Variants in LSAMP observed in about 807,000 individuals in gnomAD.
The protein encoded by LSAMP is limbic system associated membrane protein.
A neutral mutation model predicts 38.6 loss-of-function variants in LSAMP; 7 were observed. The ratio of observed to expected loss-of-function variants is 0.18; its 90% CI spans 0.10 to 0.34. LSAMP has a LOEUF of 0.34. Among genes scored for constraint, LSAMP ranks in the 10% least tolerant of loss-of-function variants. The pLI is 1.00. For missense variants in LSAMP, 313 were observed against 420.0 expected, an observed-to-expected ratio of 0.75 and a Z score of 2.23; for synonymous variants, 154 against 166.8, an observed-to-expected ratio of 0.92 and a Z score of 0.59.
intron 1 of LSAMP, among the ~76,000 whole-genome samples, chr3:116,305,634 C>A (rs977105232): frequency 6.6e-6 from 1 of 151,672 alleles, no homozygotes; most frequent in African/African-American, 2.4e-5. Flanking sequence ...GTGCAAATAT[C>A]AAAACACAAA....
intron 3 of LSAMP, among the ~76,000 whole-genome samples, chr3:115,950,265 A>G (rs777830347): frequency 2.0e-5 from 3 of 152,184 alleles, no homozygotes; most frequent in Non-Finnish European, 4.4e-5. Flanking sequence ...AATAAAGGGC[A>G]CCCAAATTGG....
intron 3 of LSAMP, among the ~76,000 whole-genome samples, chr3:116,003,190 T>C (rs536740119): frequency 1.3e-5 from 2 of 152,296 alleles, no homozygotes; most frequent in South Asian, 4.1e-4. Context: ...GAAGTCACTT[T>C]ACTGAGGTCC....
intron 1 of LSAMP, among the ~76,000 whole-genome samples, chr3:116,349,192 A>G (rs1264743287): frequency 1.3e-5 from 2 of 152,140 alleles, no homozygotes; most frequent in Non-Finnish European, 2.9e-5. Flanking sequence ...ATTATGCTTT[A>G]GAAATAAAAG....
At chr3:115,816,759 A>G in intron 6 of LSAMP, 1 of 483,652 alleles carries the variant, frequency 2.1e-6, no homozygotes. Flanking sequence ...AGAGAAAAGG[A>G]GGAAAGAACA....
intron 3 of LSAMP, among the ~76,000 whole-genome samples, chr3:116,006,339 G>A (rs989554230): frequency 2.6e-5 from 4 of 152,142 alleles, no homozygotes; most frequent in Middle Eastern, 3.4e-3. Context: ...GCCCTCATCG[G>A]AACCTGAGCA....
rs71616339 is a variant in LSAMP at position 116,047,374 on chromosome 3, T to TAA, written c.389-27736_389-27735dup. On this transcript the variant is annotated intron_variant, in intron 2 of 6. Coordinates refer to ENST00000490035, the MANE Select transcript of LSAMP (RefSeq NM_002338.5). ...TCTTTCTTAAAATACGAATCTAGTCTAAAAAAAAAAAAAAAACAAAACAAA... is the reference window on the plus strand; with the variant it reads ...TCTTTCTTAAAATACGAATCTAGTCTAAAAAAAAAAAAAAAAAACAAAACAAA... Among the ~76,000 whole-genome samples the TAA allele has an allele frequency of 1.4e-4, 19 of 132,398 alleles. 1 individual carries two copies. In the South Asian group the frequency reaches 3.1e-3, roughly 22 times the overall value. 86.9% of individuals were successfully genotyped at this position (132,398 alleles called of 152,430 possible).
chr3:116,248,477 A>ATGTGTGTGTGTGTGTG (rs3028670), intron 1 of LSAMP, among the ~76,000 whole-genome samples: 90 of 141,054 alleles, frequency 6.4e-4, no homozygotes, highest in African/African-American at 2.3e-3. Flanking sequence ...CCTGTCTCTA[A>ATGTGTGTGTGTGTGTG]TGTGTGTGTG....
At chr3:116,087,390 T>C (rs1003120438) in intron 1 of LSAMP, among the ~76,000 whole-genome samples, 2 of 152,206 alleles carry the variant, frequency 1.3e-5, no homozygotes, top group Non-Finnish European at 2.9e-5. Flanking sequence ...AGAACATGCA[T>C]TAGTGAAGGA....
At chr3:116,268,783 TA>T (rs1173104021) in intron 1 of LSAMP, among the ~76,000 whole-genome samples, 4 of 152,104 alleles carry the variant, frequency 2.6e-5, no homozygotes, top group African/African-American at 7.2e-5. Context: ...GTTGCTCATT[TA>T]AAAAAATATT....
Position 116,113,435 on chromosome 3 carries a change from T to TC in LSAMP, c.156-26880_156-26879insG, listed in dbSNP as rs1174283970. ...ATATATATATATTTTTTTTTTTTTT[T>TC]TTTTTTTTGAGATGGAGTCTCGCTC... On this transcript the variant is annotated intron_variant, in intron 1 of 6. Transcript: ENST00000490035. Among the ~76,000 whole-genome samples the TC allele has an allele frequency of 8.7e-5, 11 of 126,260 alleles. No homozygotes were observed. In the East Asian group the frequency reaches 2.4e-3, roughly 28 times the overall value. 82.8% of individuals were successfully genotyped at this position (126,260 alleles called of 152,430 possible).
Position 116,394,529 on chromosome 3 carries a change from G to A in LSAMP, c.155+50348C>T, listed in dbSNP as rs891144059. ...CACCTCCACACACACAAGTCCTTTCGTGTAACAGATGCCAACCTGCTATAA... is the reference window on the plus strand; with the variant it reads ...CACCTCCACACACACAAGTCCTTTCATGTAACAGATGCCAACCTGCTATAA... On this transcript the variant is annotated intron_variant, in intron 1 of 6. Coordinates refer to ENST00000490035, the MANE Select transcript of LSAMP (RefSeq NM_002338.5). 3.4e-4 allele frequency among the ~76,000 whole-genome samples: 51 copies of A among 152,146 alleles called. 1 individual carries two copies. Among genetic ancestry groups the A allele is most frequent in the African/African-American group, 8.7e-4 (36 of 41,490 alleles).
chr3:115,811,411 A>G (rs546977515), intron 6 of LSAMP, among the ~76,000 whole-genome samples: 1 of 152,312 alleles, frequency 6.6e-6, no homozygotes, highest in South Asian at 2.1e-4. Flanking sequence ...CTCATATTCC[A>G]TTAAAGTGAA....
intron 1 of LSAMP, among the ~76,000 whole-genome samples, chr3:116,106,891 G>A (rs1317476744): frequency 1.3e-5 from 2 of 152,116 alleles, no homozygotes; most frequent in Non-Finnish European, 2.9e-5. Flanking sequence ...GAGGGGGCCT[G>A]AATAATCCTT....
chr3:116,325,954 AT>A (rs1240876719), intron 1 of LSAMP, among the ~76,000 whole-genome samples: 1 of 152,082 alleles, frequency 6.6e-6, no homozygotes, highest in Non-Finnish European at 1.5e-5. Flanking sequence ...GACATTCATA[AT>A]TTTTTTCCCC....
rs1045813799 is a variant in LSAMP at position 116,227,661 on chromosome 3, G to A, written c.156-141105C>T. On this transcript the variant is annotated intron_variant, in intron 1 of 6. Transcript: ENST00000490035. ...ATTTTTCCTATTATCATCTTGCTCC[G>A]TAGTTCCTTTTTTTTCCCTCCCCTG... 1.5e-4 allele frequency among the ~76,000 whole-genome samples: 18 copies of A among 116,312 alleles called. No homozygotes were observed. In the East Asian group the frequency reaches 3.3e-3, roughly 21 times the overall value. The allele number at this position is 116,312 out of a possible 152,430, so 76.3% of individuals were successfully genotyped here.
chr3:116,292,832 C>T (rs2047285345), intron 1 of LSAMP, among the ~76,000 whole-genome samples: 1 of 152,146 alleles, frequency 6.6e-6, no homozygotes, highest in South Asian at 2.1e-4. Context: ...ATTCAGAACA[C>T]AGTGAACCTA....
chr3:115,819,752 C>T (rs1934166958), intron 6 of LSAMP, among the ~76,000 whole-genome samples: 1 of 152,216 alleles, frequency 6.6e-6, no homozygotes, highest in South Asian at 2.1e-4. Context: ...AAGTACTCCT[C>T]CCTATGCCTG....
rs1158895893 is a variant in LSAMP at position 116,203,654 on chromosome 3, G to T, written c.156-117098C>A. On this transcript the variant is annotated intron_variant, in intron 1 of 6. Transcript: ENST00000490035. The stretch of plus-strand genomic sequence containing the variant: ...TATGAGTGAGAATATGCGGTGTTTG[G>T]TTTTTTTGTTCTTGCGATAGTTTAC... 2.7e-5 allele frequency among the ~76,000 whole-genome samples: 4 copies of T among 149,346 alleles called. No homozygotes were observed. The East Asian group carries it at 6.0e-4, about 22-fold the overall frequency.
intron 1 of LSAMP, among the ~76,000 whole-genome samples, chr3:116,218,146 G>T (rs1394192070): frequency 6.6e-6 from 1 of 152,064 alleles, no homozygotes; most frequent in African/African-American, 2.4e-5. Context: ...AGGAGTGGGA[G>T]TTGTCCTTCC....
Sources: allele counts gnomAD v4.1 joint callset (sites outside exome capture counted in the v4.1 genomes callset), GRCh38; gene constraint gnomAD v4.1.1; transcripts MANE v1.5; gene names NCBI Gene and HGNC (gene_info 2026-07-23, HGNC 2026-07-21).